CDK14: variants seen among roughly 807,000 people sequenced by gnomAD.
CDK14 encodes the protein cyclin-dependent kinase 14.
In CDK14, 34 loss-of-function variants were observed where a neutral mutation model predicts 60.7. That is an observed-to-expected ratio of 0.56 (90% confidence interval 0.43 to 0.75). CDK14 has a LOEUF of 0.75. Among genes scored for constraint, CDK14 ranks in the 30% least tolerant of loss-of-function variants. The pLI, the probability that CDK14 is intolerant of heterozygous loss-of-function variation, is 0.00. For synonymous variants in CDK14, 197 were observed against 203.7 expected, an observed-to-expected ratio of 0.97 and a Z score of 0.28; for missense variants, 482 against 564.1, an observed-to-expected ratio of 0.85 and a Z score of 1.47.
At chr7:90,816,769 T>A (rs1789372198) in intron 5 of CDK14, among the ~76,000 whole-genome samples, 1 of 152,208 alleles carries the variant, frequency 6.6e-6, no homozygotes, top group Non-Finnish European at 1.5e-5. Flanking sequence ...TGAATTCATG[T>A]GGTATGTACT....
chr7:91,191,399 G>C (rs946035482), intron 14 of CDK14, among the ~76,000 whole-genome samples: 1 of 151,884 alleles, frequency 6.6e-6, no homozygotes, highest in Non-Finnish European at 1.5e-5. Context: ...AATGAAAAAA[G>C]TTTAAATTTC....
intron 5 of CDK14, among the ~76,000 whole-genome samples, chr7:90,795,221 A>G (rs994344658): frequency 2.6e-5 from 4 of 152,128 alleles, no homozygotes; most frequent in African/African-American, 9.7e-5. Flanking sequence ...AAACTTTACA[A>G]CTTGTTCATA....
chr7:90,833,398 A>G (rs1358031985), intron 5 of CDK14, among the ~76,000 whole-genome samples: 1 of 152,156 alleles, frequency 6.6e-6, no homozygotes, highest in African/African-American at 2.4e-5. Context: ...AGGTACAACA[A>G]TCCCATTTTT....
chr7:90,741,439 C>A (rs973860611), intron 3 of CDK14, among the ~76,000 whole-genome samples: 1 of 152,112 alleles, frequency 6.6e-6, no homozygotes, highest in Admixed American at 6.5e-5. Context: ...AAATTAAGTT[C>A]TTTTTCATTA....
intron 14 of CDK14, among the ~76,000 whole-genome samples, chr7:91,153,961 A>G (rs1313805562): frequency 6.6e-6 from 1 of 152,192 alleles, no homozygotes; most frequent in Non-Finnish European, 1.5e-5. Context: ...AAATTACACT[A>G]TGGAAGTAGT....
At chr7:90,645,911 A>C (rs1298928215) in intron 2 of CDK14, among the ~76,000 whole-genome samples, 2 of 152,192 alleles carry the variant, frequency 1.3e-5, no homozygotes, top group African/African-American at 4.8e-5. Context: ...GATTTCTTTT[A>C]AGCAGATCAC....
At chr7:91,175,952 A>T (rs1407037691) in intron 14 of CDK14, among the ~76,000 whole-genome samples, 1 of 151,772 alleles carries the variant, frequency 6.6e-6, no homozygotes, top group Non-Finnish European at 1.5e-5. Context: ...CTCTGCACCA[A>T]GCGGACCTAA....
At chr7:91,132,360 T>C (rs1349949564) in intron 14 of CDK14, among the ~76,000 whole-genome samples, 4 of 152,104 alleles carry the variant, frequency 2.6e-5, no homozygotes, top group Non-Finnish European at 4.4e-5. Flanking sequence ...CTCTAGGGAC[T>C]GATCTGATAG....
chr7:90,894,639 C>T (rs973961445), intron 6 of CDK14, among the ~76,000 whole-genome samples: 2 of 152,094 alleles, frequency 1.3e-5, no homozygotes, highest in Admixed American at 6.6e-5. Flanking sequence ...AGCTTGAATA[C>T]TTTATTCTTA....
chr7:91,173,976 G>A (rs1801626933), intron 14 of CDK14, among the ~76,000 whole-genome samples: 1 of 152,204 alleles, frequency 6.6e-6, no homozygotes, highest in Non-Finnish European at 1.5e-5. Context: ...AGGCCTGCCT[G>A]CCTCTGTAGG....
intron 14 of CDK14, among the ~76,000 whole-genome samples, chr7:91,159,968 C>T (rs1473076796): frequency 6.6e-6 from 1 of 152,116 alleles, no homozygotes; most frequent in Non-Finnish European, 1.5e-5. Flanking sequence ...CTTTTCAATG[C>T]ATGAGTGTGA....
At chr7:91,002,683 A>G (rs1430662583) in intron 10 of CDK14, among the ~76,000 whole-genome samples, 1 of 152,198 alleles carries the variant, frequency 6.6e-6, no homozygotes, top group Non-Finnish European at 1.5e-5. Flanking sequence ...GGAGAAAGAT[A>G]GGAGGCAGAT....
rs973867769 is a variant in CDK14 at position 91,188,940 on chromosome 7, GTTTTA to G, written c.*29-18216_*29-18212del. 3.7e-3 allele frequency among the ~76,000 whole-genome samples: 560 copies of G among 150,702 alleles called. 3 individuals carry two copies. The highest frequency in any genetic ancestry group is 0.013 in the African/African-American group (538 of 40,746). ...ACCAAGTGCCCAAAAGCGTGTTGTT[GTTTTA>G]TTTTATTTCTTCAGACATGTGTCTT... On this transcript the variant is annotated intron_variant, in intron 14 of 14. Transcript: ENST00000380050.
intron 8 of CDK14, among the ~76,000 whole-genome samples, chr7:90,921,654 C>T (rs763728737): frequency 4.6e-5 from 7 of 151,848 alleles, no homozygotes; most frequent in African/African-American, 1.2e-4. Context: ...CAAAAGACAT[C>T]GAGATTAAAG....
At chr7:90,996,413 C>T (rs1795682343) in intron 10 of CDK14, among the ~76,000 whole-genome samples, 1 of 152,288 alleles carries the variant, frequency 6.6e-6, no homozygotes, top group South Asian at 2.1e-4. Flanking sequence ...AAAAAAGCCT[C>T]CTCAAAATAT....
At chr7:91,108,930 A>G (rs1203254257) in intron 12 of CDK14, among the ~76,000 whole-genome samples, 1 of 152,246 alleles carries the variant, frequency 6.6e-6, no homozygotes, top group Non-Finnish European at 1.5e-5. Flanking sequence ...TGGGAGAGCT[A>G]TAAAGTAGTT....
chr7:90,902,734 TA>T (rs1261366713), intron 7 of CDK14, among the ~76,000 whole-genome samples: 1 of 151,900 alleles, frequency 6.6e-6, no homozygotes, highest in African/African-American at 2.4e-5. Flanking sequence ...AAAATAAAAA[TA>T]ATAGATAAAT....
rs377635931 is a variant in CDK14, at chr7:90,827,894, G to A, written c.545-35281G>A. Among the ~76,000 whole-genome samples the A allele has an allele frequency of 3.3e-5, 5 of 152,246 alleles. No homozygotes were observed. The East Asian group carries it at 7.7e-4, about 23-fold the overall frequency. On this transcript the variant is annotated intron_variant, in intron 5 of 14. Coordinates refer to ENST00000380050, the MANE Select transcript of CDK14 (RefSeq NM_001287135.2). ...TTGTAAACCCAATAAAACAAAATTT[G>A]TATATGTAGTTTCTCTTAAGCATTC...
At chr7:90,680,906 G>A (rs1336821144) in intron 2 of CDK14, among the ~76,000 whole-genome samples, 1 of 152,180 alleles carries the variant, frequency 6.6e-6, no homozygotes, top group Admixed American at 6.5e-5. Flanking sequence ...TTGGCCATAC[G>A]TGGATGTACT....
Sources: gnomAD v4.1 joint callset for allele counts (sites outside exome capture counted in the v4.1 genomes callset) on GRCh38, gnomAD v4.1.1 for gene constraint, MANE v1.5 for transcripts, NCBI Gene and HGNC (gene_info 2026-07-23, HGNC 2026-07-21) for gene names.